Variants in HDGFL2 observed in about 807,000 individuals in gnomAD.
The protein encoded by HDGFL2 is HDGF like 2.
A neutral mutation model predicts 77.1 loss-of-function variants in HDGFL2; 36 were observed. The observed-to-expected ratio is 0.47, with a 90% confidence interval of 0.36 to 0.62. The LOEUF (loss-of-function observed/expected upper bound fraction) is 0.62, where lower values mean the gene tolerates loss of function less well. Among genes scored for constraint, HDGFL2 ranks in the 20% least tolerant of loss-of-function variants. The pLI is 0.00. For missense variants in HDGFL2, 976 were observed against 973.4 expected, an observed-to-expected ratio of 1.00 and a Z score of -0.04; for synonymous variants, 463 against 413.1, an observed-to-expected ratio of 1.12 and a Z score of -1.46.
chr19:4,489,023 G>A (rs1188864514), intron 4 of HDGFL2, 147 bp downstream of exon 4: 15 of 623,336 alleles, frequency 2.4e-5, no homozygotes, highest in African/African-American at 9.6e-5. Context: ...GCGTGATCTC[G>A]ACTCGCTGCA....
chr19:4,494,184 C>A lies in HDGFL2; in HGVS notation c.933C>A (p.Asp311Glu). 1 of 1,494,340 alleles carries A rather than the reference C, an allele frequency of 6.7e-7. No homozygotes were observed. The highest frequency in any genetic ancestry group is 8.9e-7 in the Non-Finnish European group (1 of 1,125,214). 92.6% of individuals were successfully genotyped at this position (1,494,340 alleles called of 1,614,324 possible). Reference sequence around the variant, plus strand: ...CCTCCAGTGACAGCGACGAGGTGGACCGCATCAGTGAGTGGAAGCGGCGGG... The same window carrying A: ...CCTCCAGTGACAGCGACGAGGTGGAACGCATCAGTGAGTGGAAGCGGCGGG... Reference protein sequence around the residue: ...SSSDSDSDEVDRISEWKRRDE... With the variant: ...SSSDSDSDEVERISEWKRRDE... Residue 311 changes from aspartate (D) to glutamate (E), a missense_variant, in exon 9 of 16, where the codon GAC becomes GAA. Coordinates refer to ENST00000616600, the MANE Select transcript of HDGFL2 (RefSeq NM_001001520.3).
At chr19:4,497,664 ACT>A (rs1241004252) in intron 10 of HDGFL2, 1 of 467,780 alleles carries the variant, frequency 2.1e-6, no homozygotes, top group Non-Finnish European at 3.8e-6. Flanking sequence ...TAGCTCGCTG[ACT>A]CTGGTAGACA....
At chr19:4,493,057 GTGTGTTGTCT>G (rs1975577327) in intron 6 of HDGFL2, among the ~76,000 whole-genome samples, 1 of 137,368 alleles carries the variant, frequency 7.3e-6, no homozygotes. Context: ...TGTGTGGTGT[GTGTGTTGTCT>G]GTGTGTGGTG....
chr19:4,499,809 C>T (rs911582080), intron 14 of HDGFL2, 105 bp downstream of exon 14: 6 of 929,994 alleles, frequency 6.5e-6, no homozygotes, highest in Non-Finnish European at 9.5e-6. Context: ...CTCTCTGCCC[C>T]AAACCTGCCA....
chr19:4,484,355 A>T (rs1260358692), intron 3 of HDGFL2, among the ~76,000 whole-genome samples: 4 of 152,106 alleles, frequency 2.6e-5, no homozygotes, highest in Non-Finnish European at 5.9e-5. Flanking sequence ...AAGTGCTGGG[A>T]TTATAGGCGT....
rs1239702664 is a variant in HDGFL2 at position 4,499,490 on chromosome 19, G to A, written c.1576-1G>A. The A allele has an allele frequency of 6.2e-7, 1 of 1,612,432 alleles. No homozygotes were observed. Among genetic ancestry groups the A allele is most frequent in the African/African-American group, 1.3e-5 (1 of 74,918 alleles). On this transcript the variant is annotated splice_acceptor_variant, in intron 13 of 15. Transcript: ENST00000616600. LOFTEE classifies it high-confidence loss of function. The stretch of plus-strand genomic sequence containing the variant: ...GCCAGGCCTCTTCTCTTGGTGGCCA[G>A]ATTCGCCGTTACAAAGCGAACAAGG...
chr19:4,501,944 T>G lies in HDGFL2; in HGVS notation c.1950T>G (p.Pro650=). The change falls in exon 16 of 16, where the codon CCT becomes CCG. Residue 650 remains proline, a synonymous_variant. Coordinates refer to ENST00000616600, the MANE Select transcript of HDGFL2 (RefSeq NM_001001520.3). ...GGGAGGGTCCCGACCTGGACAGGCC[T>G]GGGAGCGACCGGCAGGAGCGCGAGA... ...SVREGPDLDR[P]GSDRQERERA... is the part of the protein sequence containing the mutation. The G allele has an allele frequency of 6.7e-7, 1 of 1,498,822 alleles. No homozygotes were observed. Among genetic ancestry groups the G allele is most frequent in the Non-Finnish European group, 8.9e-7 (1 of 1,129,842 alleles). 92.8% of individuals were successfully genotyped at this position (1,498,822 alleles called of 1,614,324 possible).
intron 3 of HDGFL2, among the ~76,000 whole-genome samples, chr19:4,487,928 GA>G (rs1479152432): frequency 6.7e-6 from 1 of 149,302 alleles, no homozygotes; most frequent in African/African-American, 2.5e-5. Context: ...TCTTCCTCCT[GA>G]TAATTGAATG....
At chr19:4,492,889 A>ATC (rs1253574485) in intron 6 of HDGFL2, among the ~76,000 whole-genome samples, 2 of 64,258 alleles carry the variant, frequency 3.1e-5, no homozygotes, top group Non-Finnish European at 5.7e-5. Flanking sequence ...GGTGTGTGTT[A>ATC]TCTGTGGTGT....
intron 9 of HDGFL2, among the ~76,000 whole-genome samples, chr19:4,495,887 A>G (rs1489200464): frequency 6.6e-6 from 1 of 152,096 alleles, no homozygotes; most frequent in Non-Finnish European, 1.5e-5. Context: ...CTGAATCCAG[A>G]GTCTCACCTA....
chr19:4,480,680 T>C (rs954038388), intron 3 of HDGFL2, among the ~76,000 whole-genome samples: 2 of 151,692 alleles, frequency 1.3e-5, no homozygotes, highest in East Asian at 3.9e-4. Context: ...GATTGTGCCA[T>C]TGTACTCCAG....
rs573527717 is a variant in HDGFL2, at chr19:4,493,982, CGGA to C, written c.841_843del (p.Glu281del). The C allele has an allele frequency of 2.8e-4, 443 of 1,607,394 alleles. 3 individuals carry two copies. The East Asian group carries it at 8.8e-3, about 32-fold the overall frequency. On this transcript the variant is annotated inframe_deletion and splice_region_variant, in exon 8 of 16. Coordinates refer to ENST00000616600, the MANE Select transcript of HDGFL2 (RefSeq NM_001001520.3). ...TCACCCCCTCCTCCTCTTCCTGTAG[CGGA>C]GAAGCCTCTCCCGAAGCCGCGAGGG...
chr19:4,483,443 C>T (rs988589634), intron 3 of HDGFL2, among the ~76,000 whole-genome samples: 21 of 152,210 alleles, frequency 1.4e-4, no homozygotes, highest in African/African-American at 3.9e-4. Flanking sequence ...CCTGGCCCCC[C>T]CTCTTGACCA....
chr19:4,472,966 C>G (rs1176309075), intron 1 of HDGFL2, among the ~76,000 whole-genome samples: 1 of 149,778 alleles, frequency 6.7e-6, no homozygotes, highest in Non-Finnish European at 1.5e-5. Flanking sequence ...CTGAGAGACT[C>G]TCGCCCTTGG....
chr19:4,487,515 G>A (rs918149512), intron 3 of HDGFL2, among the ~76,000 whole-genome samples: 3 of 149,190 alleles, frequency 2.0e-5, no homozygotes, highest in African/African-American at 7.4e-5. Flanking sequence ...CCTTGGCCTC[G>A]CAAAGTGCTG....
At chr19:4,477,336 G>A (rs947220674) in intron 3 of HDGFL2, among the ~76,000 whole-genome samples, 3 of 152,092 alleles carry the variant, frequency 2.0e-5, no homozygotes, top group African/African-American at 4.8e-5. Context: ...CTTGAGCGCC[G>A]AGGATCTGGC....
chr19:4,501,382 CCGA>C, intron 15 of HDGFL2, 65 bp downstream of exon 15: 2 of 1,510,964 alleles, frequency 1.3e-6, no homozygotes, highest in South Asian at 2.6e-5. Context: ...CACCCTGGGT[CCGA>C]GCCGCTCCTC....
At chr19:4,491,437 C>T in intron 4 of HDGFL2, 129 bp from the exon 5 acceptor site, 1 of 724,484 alleles carries the variant, frequency 1.4e-6, no homozygotes, top group Admixed American at 2.5e-5. Flanking sequence ...ATCAGGTTCT[C>T]AGAGGGTTCC....
intron 9 of HDGFL2, 115 bp downstream of exon 9, chr19:4,494,590 GC>G: frequency 2.6e-6 from 2 of 759,044 alleles, no homozygotes; most frequent in Non-Finnish European, 3.6e-6. Flanking sequence ...CAGTGCGTGG[GC>G]CCAGAAACTC....
Sources: allele counts gnomAD v4.1 joint callset (sites outside exome capture counted in the v4.1 genomes callset), GRCh38; gene constraint gnomAD v4.1.1; transcripts MANE v1.5; gene names NCBI Gene and HGNC (gene_info 2026-07-23, HGNC 2026-07-21).